The following ARHGEF3 variants were observed in gnomAD, a reference collection of about 807,000 sequenced individuals.
ARHGEF3 encodes the protein Rho guanine nucleotide exchange factor 3.
Under a neutral mutation model 63.2 loss-of-function variants are expected in ARHGEF3, and 28 were observed. That is an observed-to-expected ratio of 0.44 (90% CI 0.33 to 0.61). The LOEUF is 0.61. ARHGEF3 is among the 20% of genes least tolerant of loss of function. The pLI is 0.03. For synonymous variants in ARHGEF3, 266 were observed against 254.2 expected (o/e 1.05, Z -0.44); for missense variants, 533 against 659.3 (o/e 0.81, Z 2.10).
At chr3:56,824,279 T>C (rs545218252) in intron 4 of ARHGEF3, among the ~76,000 whole-genome samples, 14 of 152,238 alleles carry the variant, frequency 9.2e-5, no homozygotes, top group Admixed American at 2.6e-4. Flanking sequence ...AAAATGGAGA[T>C]TTTGTTGTGG....
At chr3:56,985,921 G>C (rs1701519013) in intron 2 of ARHGEF3, among the ~76,000 whole-genome samples, 1 of 152,228 alleles carries the variant, frequency 6.6e-6, no homozygotes, top group Non-Finnish European at 1.5e-5. Flanking sequence ...GACACTCAGG[G>C]AGGTCCCTCT....
chr3:56,971,143 G>A (rs562681131), intron 2 of ARHGEF3, among the ~76,000 whole-genome samples: 11 of 152,188 alleles, frequency 7.2e-5, no homozygotes, highest in Admixed American at 5.2e-4. Flanking sequence ...TTCATGGTGC[G>A]GCCCTCAGTA....
intron 1 of ARHGEF3, among the ~76,000 whole-genome samples, chr3:56,800,058 T>C (rs1201183175): frequency 6.6e-6 from 1 of 152,240 alleles, no homozygotes; most frequent in Non-Finnish European, 1.5e-5. Context: ...ATTTGTGATA[T>C]ATAGACATAT....
chr3:57,026,933 G>C (rs753780442), intron 2 of ARHGEF3, among the ~76,000 whole-genome samples: 3 of 152,186 alleles, frequency 2.0e-5, no homozygotes, highest in Non-Finnish European at 4.4e-5. Context: ...CAGCATGCCC[G>C]AAAGAGTGAT....
intron 4 of ARHGEF3, among the ~76,000 whole-genome samples, chr3:56,826,787 A>C (rs2038728692): frequency 2.0e-5 from 3 of 152,198 alleles, no homozygotes; most frequent in Non-Finnish European, 4.4e-5. Context: ...ACTGTGAAGA[A>C]CTCACTGCTT....
intron 3 of ARHGEF3, among the ~76,000 whole-genome samples, chr3:56,953,045 T>C (rs983816873): frequency 6.6e-6 from 1 of 152,186 alleles, no homozygotes; most frequent in African/African-American, 2.4e-5. Context: ...TTCCCCATCT[T>C]TGGACTGGGA....
chr3:56,753,675 T>C, intron 3 of ARHGEF3, 109 bp from the exon 4 acceptor site: 1 of 940,160 alleles, frequency 1.1e-6, no homozygotes, highest in South Asian at 1.5e-5. Context: ...TATTTAAGTA[T>C]TTTAAGTTAC....
intron 2 of ARHGEF3, among the ~76,000 whole-genome samples, chr3:56,765,142 C>T (rs2035635031): frequency 6.6e-6 from 1 of 152,178 alleles, no homozygotes; most frequent in Admixed American, 6.5e-5. Context: ...AGCAGAGAAT[C>T]AGGAGTTCCT....
chr3:56,825,037 G>T (rs776627671), intron 4 of ARHGEF3, among the ~76,000 whole-genome samples: 2 of 150,924 alleles, frequency 1.3e-5, no homozygotes, highest in Non-Finnish European at 2.9e-5. Flanking sequence ...AGCAGCCCCA[G>T]TCTGGATTCT....
At chr3:56,771,391 T>C (rs1209508444) in intron 2 of ARHGEF3, among the ~76,000 whole-genome samples, 1 of 152,138 alleles carries the variant, frequency 6.6e-6, no homozygotes, top group Non-Finnish European at 1.5e-5. Flanking sequence ...TTTGAAGGTA[T>C]GGTAACAGAT....
At chr3:56,968,177 TA>T (rs1237704113) in intron 2 of ARHGEF3, among the ~76,000 whole-genome samples, 33 of 20,964 alleles carry the variant, frequency 1.6e-3, no homozygotes, top group East Asian at 0.026. Context: ...ATAATATATA[TA>T]AAAATATATA....
At chr3:56,933,805 C>T (rs1173350290) in intron 3 of ARHGEF3, among the ~76,000 whole-genome samples, 3 of 152,124 alleles carry the variant, frequency 2.0e-5, no homozygotes, top group Non-Finnish European at 4.4e-5. Context: ...TGTCCCCACC[C>T]AAATCTCCTC....
At chr3:56,816,349 T>C (rs1052617332) in intron 4 of ARHGEF3, among the ~76,000 whole-genome samples, 2 of 152,222 alleles carry the variant, frequency 1.3e-5, no homozygotes, top group Non-Finnish European at 2.9e-5. Context: ...ATTAATGTTG[T>C]CCATTTATAA....
intron 4 of ARHGEF3, chr3:56,882,148 G>A: frequency 1.4e-6 from 1 of 715,454 alleles, no homozygotes. Context: ...ATGTTTTTCA[G>A]TTAAAAAAAA....
chr3:56,757,090 T>A (rs975289177), intron 2 of ARHGEF3, among the ~76,000 whole-genome samples: 1 of 152,236 alleles, frequency 6.6e-6, no homozygotes, highest in South Asian at 2.1e-4. Context: ...TCTAAGGTAG[T>A]TCCCAGTTAT....
Position 57,069,857 on chromosome 3 carries a change from C to T in ARHGEF3, c.-28+9369G>A, listed in dbSNP as rs76939798. On this transcript the variant is annotated intron_variant, in intron 1 of 12. Coordinates refer to the ARHGEF3 transcript ENST00000338458. Reference sequence around the variant, plus strand: ...ATAGAGTCTCGCTTTGCTGCCCAGGCGGGTCTCAAACTCCTAGCCTGAGGC... The same window carrying T: ...ATAGAGTCTCGCTTTGCTGCCCAGGTGGGTCTCAAACTCCTAGCCTGAGGC... Among the ~76,000 whole-genome samples, 932 of 152,214 alleles carry T rather than the reference C, an allele frequency of 6.1e-3. 11 individuals carry two copies. Among genetic ancestry groups the T allele is most frequent in the African/African-American group, 0.021 (892 of 41,546 alleles).
intron 1 of ARHGEF3, among the ~76,000 whole-genome samples, chr3:57,066,174 C>T (rs1045659643): frequency 1.3e-5 from 2 of 152,126 alleles, no homozygotes; most frequent in Admixed American, 6.5e-5. Flanking sequence ...ACTTATTTTG[C>T]AGTCAATCAA....
intron 3 of ARHGEF3, among the ~76,000 whole-genome samples, chr3:56,907,084 T>C (rs13081650): frequency 0.38 from 55,954 of 147,466 alleles, 11,186 homozygotes; most frequent in Non-Finnish European, 0.45. Flanking sequence ...TGGGTTCAAG[T>C]GATTCTCCTG....
chr3:56,956,949 G>A (rs1176350396), intron 3 of ARHGEF3, among the ~76,000 whole-genome samples: 1 of 152,184 alleles, frequency 6.6e-6, no homozygotes, highest in African/African-American at 2.4e-5. Context: ...AACTCCACCA[G>A]TTCTCCTTAT....
Sources: gnomAD v4.1 joint callset for allele counts (sites outside exome capture counted in the v4.1 genomes callset) on GRCh38, gnomAD v4.1.1 for gene constraint, MANE v1.5 for transcripts, NCBI Gene and HGNC (gene_info 2026-07-23, HGNC 2026-07-21) for gene names.